PDE1A: variants seen among roughly 807,000 people sequenced by gnomAD.
PDE1A encodes dual specificity calcium/calmodulin-dependent 3',5'-cyclic nucleotide phosphodiesterase 1A.
A neutral mutation model predicts 61.7 loss-of-function variants in PDE1A; 35 were observed. The ratio of observed to expected loss-of-function variants is 0.57; its 90% confidence interval spans 0.43 to 0.75. The LOEUF is 0.75. Among genes scored for constraint, PDE1A ranks in the 30% least tolerant of loss-of-function variants. PDE1A has a pLI of 0.00. For synonymous variants in PDE1A, 232 were observed against 213.2 expected (o/e 1.09, Z -0.77); for missense variants, 597 against 630.6 (o/e 0.95, Z 0.57).
intron 1 of PDE1A, among the ~76,000 whole-genome samples, chr2:182,381,435 G>T (rs566532629): frequency 4.7e-4 from 71 of 152,274 alleles, no homozygotes; most frequent in African/African-American, 1.7e-3. Context: ...CTCACAGGAT[G>T]GTGGCGAATT....
At chr2:182,715,151 T>A in the PDE1A span, among the ~76,000 whole-genome samples, 1 of 152,214 alleles carries the variant, frequency 6.6e-6, no homozygotes, top group Non-Finnish European at 1.5e-5. Context: ...CACTGTGTCA[T>A]AATGCTTAAC....
chr2:182,610,061 T>G, the PDE1A span, among the ~76,000 whole-genome samples: 1 of 150,762 alleles, frequency 6.6e-6, no homozygotes, highest in Non-Finnish European at 1.5e-5. Context: ...GCACACCAGC[T>G]TGGGAGACAG....
At chr2:182,687,220 C>T in the PDE1A span, among the ~76,000 whole-genome samples, 3 of 152,200 alleles carry the variant, frequency 2.0e-5, no homozygotes, top group African/African-American at 4.8e-5. Context: ...GATCTGAGAA[C>T]GGACAGACTG....
chr2:182,298,292 G>T lies in PDE1A; in HGVS notation c.54-33878C>A, dbSNP rs149491092. On this transcript the variant is annotated intron_variant, in intron 1 of 13. Transcript: ENST00000351439. ...CAGCGCTTAAAGCAAGAAAATGACA[G>T]TATCAGTTGAGCTCACTGTAAACTC... Among the ~76,000 whole-genome samples the T allele has an allele frequency of 1.5e-3, 225 of 152,278 alleles. 2 individuals are homozygous for T. In the East Asian group the frequency reaches 0.022, roughly 15 times the overall value.
chr2:182,603,534 G>A, the PDE1A span, among the ~76,000 whole-genome samples: 3,018 of 152,260 alleles, frequency 0.02, 53 homozygotes, highest in South Asian at 0.051. Flanking sequence ...TTTTTTAGTA[G>A]AGACAGGGTT....
At chr2:182,445,772 T>C (rs934473212) in intron 2 of PDE1A, among the ~76,000 whole-genome samples, 2 of 152,130 alleles carry the variant, frequency 1.3e-5, no homozygotes, top group Admixed American at 6.6e-5. Flanking sequence ...TATTGAAGCT[T>C]AAAAATACTT....
the PDE1A span, among the ~76,000 whole-genome samples, chr2:182,629,280 C>T: frequency 6.6e-6 from 1 of 152,168 alleles, no homozygotes; most frequent in Non-Finnish European, 1.5e-5. Flanking sequence ...CCAGACTCAA[C>T]CCATGGCAAC....
At chr2:182,680,022 G>T in the PDE1A span, among the ~76,000 whole-genome samples, 1 of 152,092 alleles carries the variant, frequency 6.6e-6, no homozygotes, top group South Asian at 2.1e-4. Flanking sequence ...AAAATTGAAT[G>T]CCCAGAAATA....
At chr2:182,157,903 T>C (rs1691184770) in intron 13 of PDE1A, among the ~76,000 whole-genome samples, 1 of 152,210 alleles carries the variant, frequency 6.6e-6, no homozygotes. Context: ...TGGTAGTAGC[T>C]ATGTTGATTG....
At chr2:182,217,187 A>C in intron 7 of PDE1A, among the ~76,000 whole-genome samples, 1 of 92,692 alleles carries the variant, frequency 1.1e-5, no homozygotes, top group Non-Finnish European at 2.1e-5. Flanking sequence ...CTATTTAATA[A>C]ATGGTGCTGG....
intron 2 of PDE1A, among the ~76,000 whole-genome samples, chr2:182,459,767 G>T (rs910037198): frequency 6.6e-6 from 1 of 152,188 alleles, no homozygotes; most frequent in Non-Finnish European, 1.5e-5. Context: ...GGTAGAATGT[G>T]AGCAGCCAAA....
chr2:182,219,999 A>C (rs10930993), intron 7 of PDE1A, among the ~76,000 whole-genome samples: 31,694 of 152,008 alleles, frequency 0.21, 3,530 homozygotes, highest in East Asian at 0.32. Context: ...TGTGTCTGAT[A>C]GTCTGCCAGA....
chr2:182,289,114 A>T (rs938768992), intron 1 of PDE1A, among the ~76,000 whole-genome samples: 2 of 152,048 alleles, frequency 1.3e-5, no homozygotes, highest in Non-Finnish European at 2.9e-5. Context: ...TCCCGAAGTT[A>T]GAATCCCCAC....
chr2:182,295,056 T>TA (rs1559306050), intron 1 of PDE1A, among the ~76,000 whole-genome samples: 2 of 100,062 alleles, frequency 2.0e-5, no homozygotes, highest in Non-Finnish European at 4.0e-5. Flanking sequence ...TAAAAGGTAA[T>TA]CTTTTTTTTT....
At position 182,370,992 on chromosome 2, in the gene PDE1A, G is replaced by C. The variant is rs575556267; in HGVS notation, c.53+55586C>G. On this transcript the variant is annotated intron_variant, in intron 1 of 13. Transcript: ENST00000351439. ...CACAAGATACAGCAAAAGAGGAGGA[G>C]GACTACTCAAACGCAATCAATTAAC... Among the ~76,000 whole-genome samples, 5 of 152,148 alleles carry C rather than the reference G, an allele frequency of 3.3e-5. No homozygotes were observed. The South Asian group carries it at 1.0e-3, about 32-fold the overall frequency.
intron 1 of PDE1A, among the ~76,000 whole-genome samples, chr2:182,303,013 A>T (rs897744691): frequency 5.3e-5 from 8 of 152,188 alleles, no homozygotes; most frequent in Non-Finnish European, 1.2e-4. Flanking sequence ...TAGTTCTCTT[A>T]CTATTTCTAC....
upstream of PDE1A, among the ~76,000 whole-genome samples, chr2:182,527,373 T>TATATAC (rs1440252452): frequency 9.2e-5 from 6 of 65,008 alleles, no homozygotes; most frequent in African/African-American, 2.0e-4. Context: ...TATATATATA[T>TATATAC]ACACATATAT....
chr2:182,207,867 G>A (rs1256970922), intron 7 of PDE1A, among the ~76,000 whole-genome samples: 6 of 152,200 alleles, frequency 3.9e-5, no homozygotes, highest in Non-Finnish European at 8.8e-5. Flanking sequence ...AGCTCCAGTC[G>A]TGGCTGAAAG....
At chr2:182,678,754 T>G in the PDE1A span, among the ~76,000 whole-genome samples, 1 of 152,110 alleles carries the variant, frequency 6.6e-6, no homozygotes, top group Admixed American at 6.6e-5. Context: ...AAAGTTGATC[T>G]CATACAAGTA....
Sources: gnomAD v4.1 joint callset for allele counts (sites outside exome capture counted in the v4.1 genomes callset) on GRCh38, gnomAD v4.1.1 for gene constraint, MANE v1.5 for transcripts, NCBI Gene and HGNC (gene_info 2026-07-23, HGNC 2026-07-21) for gene names.